ABCC8: variants seen among roughly 807,000 people sequenced by gnomAD.
The protein encoded by ABCC8 is ATP binding cassette subfamily C member 8, also known as ATP-binding cassette sub-family C member 8.
ABCC8 carries 137 observed loss-of-function variants against 188.0 expected under a neutral mutation model. The ratio of observed to expected loss-of-function variants is 0.73; its 90% CI spans 0.63 to 0.84. ABCC8 has a LOEUF of 0.84. ABCC8 is among the 40% of genes least tolerant of loss of function. The pLI is 0.00. For synonymous variants in ABCC8, 797 were observed against 846.5 expected, an observed-to-expected ratio of 0.94 and a Z score of 1.01; for missense variants, 1,750 against 2,072.7, an observed-to-expected ratio of 0.84 and a Z score of 3.02.
At chr11:17,411,925 G>C (rs371222885) in intron 21 of ABCC8, among the ~76,000 whole-genome samples, 9 of 142,502 alleles carry the variant, frequency 6.3e-5, no homozygotes, top group Non-Finnish European at 9.0e-5. Flanking sequence ...ACAAAGTCTC[G>C]GTTTGTCCCC....
At chr11:17,445,758 G>C (rs1302664811) in intron 8 of ABCC8, among the ~76,000 whole-genome samples, 1 of 151,672 alleles carries the variant, frequency 6.6e-6, no homozygotes, top group African/African-American at 2.4e-5. Flanking sequence ...TGATAAATGA[G>C]CAAAGGTAAG....
At chr11:17,393,643 C>A in intron 38 of ABCC8, 54 bp downstream of exon 38, 1 of 1,612,466 alleles carries the variant, frequency 6.2e-7, no homozygotes, top group Non-Finnish European at 8.5e-7. Context: ...ACGGCCACAA[C>A]AGGCCAGTCC....
At chr11:17,435,765 T>C in intron 10 of ABCC8, 4 of 1,347,694 alleles carry the variant, frequency 3.0e-6, no homozygotes, top group Non-Finnish European at 4.3e-6. Context: ...GGCCTTTTCC[T>C]AGGTCCCACA....
At chr11:17,442,029 G>A (rs547889058) in intron 10 of ABCC8, among the ~76,000 whole-genome samples, 7 of 152,202 alleles carry the variant, frequency 4.6e-5, no homozygotes, top group South Asian at 2.1e-4. Context: ...GCAGTGAGCC[G>A]AGATTTTGCC....
intron 16 of ABCC8, among the ~76,000 whole-genome samples, chr11:17,421,451 G>C (rs757981485): frequency 3.9e-5 from 6 of 152,124 alleles, no homozygotes; most frequent in Admixed American, 3.9e-4. Context: ...AGTTGTTCCT[G>C]GTTCATTCAT....
intron 16 of ABCC8, among the ~76,000 whole-genome samples, chr11:17,419,800 G>A (rs939572629): frequency 2.2e-4 from 34 of 152,196 alleles, no homozygotes; most frequent in African/African-American, 8.2e-4. Flanking sequence ...TAACAGGTGC[G>A]AGAAGTAGGA....
intron 5 of ABCC8, chr11:17,461,289 G>C: frequency 2.0e-6 from 1 of 492,648 alleles, no homozygotes; most frequent in Non-Finnish European, 3.7e-6. Context: ...AGGGATGTGA[G>C]AGTCCAGTGG....
intron 21 of ABCC8, among the ~76,000 whole-genome samples, chr11:17,411,691 G>A (rs1206458051): frequency 1.3e-5 from 2 of 152,150 alleles, no homozygotes; most frequent in Non-Finnish European, 2.9e-5. Context: ...TGTCTCCCTG[G>A]ACAAGGCCCC....
At chr11:17,467,734 A>C (rs1848251371) in intron 3 of ABCC8, among the ~76,000 whole-genome samples, 1 of 151,768 alleles carries the variant, frequency 6.6e-6, no homozygotes, top group Non-Finnish European at 1.5e-5. Flanking sequence ...CATTCTCCCA[A>C]TACCCATTTC....
rs937185852 is a variant in ABCC8, at chr11:17,407,515, A to C, written c.2821-62T>G. On this transcript the variant is annotated intron_variant, in intron 23 of 38. Transcript: ENST00000389817. ...ATATATGGTTGGTGGGGGAAGGGGA[A>C]GTTAAGGGGTAACTACTCTGGTGAT... is the stretch of plus-strand genomic sequence containing the variant. 3.7e-6 allele frequency: 6 copies of C among 1,611,100 alleles called. No individual in the cohort carries two copies. In the African/African-American group the frequency reaches 6.7e-5, roughly 18 times the overall value.
At position 17,428,296 on chromosome 11, in the gene ABCC8, C is replaced by T; in HGVS notation, c.2033G>A (p.Cys678Tyr). ...TGGGGCAGCAGGACTCACCTGGACA[C>T]AGCAGTTGTCAGCATCGCCATCTGC... Reference protein sequence around the residue: ...PSADGDADNCCVQIMGGYFTW... With the variant: ...PSADGDADNCYVQIMGGYFTW... Residue 678 changes from cysteine to tyrosine, a missense_variant, in exon 14 of 39, where the codon TGT becomes TAT. By Grantham distance (194) the Cys-to-Tyr change is radical. Transcript: ENST00000389817. 3.7e-6 allele frequency: 6 copies of T among 1,614,158 alleles called. No individual in the cohort carries two copies. Among genetic ancestry groups the T allele is most frequent in the Non-Finnish European group, 5.1e-6 (6 of 1,180,042 alleles).
In ABCC8 at chr11:17,430,897, G is replaced by A. The variant is rs746758978; in HGVS notation, c.1734C>T (p.Ala578=). The A allele has an allele frequency of 1.2e-6, 2 of 1,614,258 alleles. No individual in the cohort carries two copies. Among genetic ancestry groups the A allele is most frequent in the Non-Finnish European group, 1.7e-6 (2 of 1,180,044 alleles). Residue 578 remains alanine, a synonymous_variant, in exon 12 of 39, where the codon GCC becomes GCT. Coordinates refer to ENST00000389817, the MANE Select transcript of ABCC8 (RefSeq NM_000352.6). ...EADFSPSVAF[A]SLSLFHILVT... ...CCAAGATATGGAAGAGGGAGAGGGA[G>A]GCAAAGGCCACGGAGGGCGAGAAGT... is the stretch of plus-strand genomic sequence containing the variant.
intron 11 of ABCC8, among the ~76,000 whole-genome samples, chr11:17,431,989 C>G (rs1955867397): frequency 6.6e-6 from 1 of 152,302 alleles, no homozygotes; most frequent in African/African-American, 2.4e-5. Flanking sequence ...AAATACTAAG[C>G]CTCCGGTCTT....
chr11:17,427,209 AT>A lies in ABCC8; in HGVS notation c.2117-56del. On this transcript the variant is annotated intron_variant, in intron 15 of 38. Coordinates refer to ENST00000389817, the MANE Select transcript of ABCC8 (RefSeq NM_000352.6). This position sits in a 1 kb window ranked among gnomAD's most constrained non-coding sequence, Gnocchi z 5.0. ...TGGGGCCGGGGGAGTCTGAACAACCATTACCCAGAAAGACAGACAGACAGAT... is the reference window on the plus strand; with the variant it reads ...TGGGGCCGGGGGAGTCTGAACAACCATACCCAGAAAGACAGACAGACAGAT... 1 of 1,534,236 alleles carries A rather than the reference AT, an allele frequency of 6.5e-7. No homozygotes were observed. Among genetic ancestry groups the A allele is most frequent in the Non-Finnish European group, 8.8e-7 (1 of 1,138,356 alleles).
chr11:17,456,764 T>C (rs924071048), intron 6 of ABCC8, among the ~76,000 whole-genome samples: 23 of 152,256 alleles, frequency 1.5e-4, no homozygotes. Flanking sequence ...GGTGAGGCTA[T>C]GAAGGGACTT....
chr11:17,438,245 G>A (rs976401198), intron 10 of ABCC8, among the ~76,000 whole-genome samples: 5 of 152,180 alleles, frequency 3.3e-5, no homozygotes, highest in African/African-American at 9.7e-5. Flanking sequence ...TGCATCCCCA[G>A]GCCTGGCACA....
At chr11:17,443,755 T>C (rs1564948910) in intron 8 of ABCC8, among the ~76,000 whole-genome samples, 1 of 152,214 alleles carries the variant, frequency 6.6e-6, no homozygotes, top group Non-Finnish European at 1.5e-5. Flanking sequence ...AAAACCAGCC[T>C]GGGGTCCGAG....
chr11:17,443,143 A>T, intron 9 of ABCC8, 35 bp downstream of exon 9: 1 of 1,610,792 alleles, frequency 6.2e-7, no homozygotes, highest in Non-Finnish European at 8.5e-7. Flanking sequence ...AAGGAGGGGA[A>T]GAGGGACAAA....
intron 26 of ABCC8, 169 bp from the exon 27 acceptor site, chr11:17,405,732 C>T (rs1329395619): frequency 1.2e-6 from 1 of 866,490 alleles, no homozygotes; most frequent in Admixed American, 6.2e-5. Flanking sequence ...ATTCCTGCAG[C>T]TGCCCAAAGG....
Sources: gnomAD v4.1 joint callset for allele counts (sites outside exome capture counted in the v4.1 genomes callset) on GRCh38, gnomAD v4.1.1 for gene constraint, Gnocchi (gnomAD v3.1) non-coding constraint, MANE v1.5 for transcripts, NCBI Gene and HGNC (gene_info 2026-07-23, HGNC 2026-07-21) for gene names.